DYM: variants seen among roughly 807,000 people sequenced by gnomAD.
The protein encoded by DYM is dyggve-Melchior-Clausen syndrome protein.
In DYM, 78 loss-of-function variants were observed where a neutral mutation model predicts 93.1. The observed-to-expected ratio is 0.84, with a 90% CI of 0.70 to 1.01. DYM has a LOEUF of 1.01. Among genes scored for constraint, DYM ranks in the 50% least tolerant of loss-of-function variants. The pLI, the probability that DYM is intolerant of heterozygous loss-of-function variation, is 0.00. For synonymous variants in DYM, 321 were observed against 319.7 expected, an observed-to-expected ratio of 1.00 and a Z score of -0.04; for missense variants, 789 against 845.0, an observed-to-expected ratio of 0.93 and a Z score of 0.82.
At chr18:49,232,470 A>AT (rs2093726844) in intron 13 of DYM, among the ~76,000 whole-genome samples, 1 of 150,284 alleles carries the variant, frequency 6.7e-6, no homozygotes, top group African/African-American at 2.5e-5. Flanking sequence ...CACCTGGCTA[A>AT]TTTTTTGTAT....
In DYM at chr18:49,257,059, A is replaced by C; in HGVS notation, c.1411T>G (p.Ser471Ala). The C allele has an allele frequency of 6.2e-7, 1 of 1,614,070 alleles. No homozygotes were observed. The highest frequency in any genetic ancestry group is 1.3e-5 in the African/African-American group (1 of 75,056). Residue 471 changes from serine to alanine, a missense_variant, in exon 13 of 18, where the codon TCG (serine) becomes GCG (alanine). This residue lies in a region of DYM where 225 missense variants were observed against 303.0 expected (regional missense o/e 0.74). Transcript: ENST00000675505. Reference protein sequence around the residue: ...TNCLAALANMSAQFRSLHQYA... With the variant: ...TNCLAALANMAAQFRSLHQYA... ...TGATGGAGAGAACGAAACTGTGCCG[A>C]CATATTTGCTAAAGCTGCCAAACAA...
At chr18:49,373,398 CT>C (rs2067220727) in intron 5 of DYM, among the ~76,000 whole-genome samples, 1 of 152,118 alleles carries the variant, frequency 6.6e-6, no homozygotes, top group African/African-American at 2.4e-5. Context: ...TATGCCTCCC[CT>C]TTTTAGACCA....
intron 13 of DYM, among the ~76,000 whole-genome samples, chr18:49,232,965 G>C (rs2093751493): frequency 6.6e-6 from 1 of 152,054 alleles, no homozygotes; most frequent in Admixed American, 6.5e-5. Context: ...CAGTAGATAA[G>C]GTATTTAGAT....
chr18:49,350,497 G>C (rs1382573232), intron 6 of DYM, among the ~76,000 whole-genome samples: 1 of 152,120 alleles, frequency 6.6e-6, no homozygotes, highest in East Asian at 1.9e-4. Context: ...CACGAGGTCA[G>C]GAGTTTGAGA....
At chr18:49,191,090 G>C (rs1568570482) in intron 14 of DYM, among the ~76,000 whole-genome samples, 1 of 141,198 alleles carries the variant, frequency 7.1e-6, no homozygotes, top group African/African-American at 2.6e-5. Flanking sequence ...GTGCAGGGGG[G>C]TTTGGGGGTT....
chr18:49,259,763 G>A (rs1279335870), intron 11 of DYM, among the ~76,000 whole-genome samples: 3 of 152,110 alleles, frequency 2.0e-5, no homozygotes, highest in Non-Finnish European at 1.5e-5. Context: ...AAATCAAAAC[G>A]TAAAAGGTGC....
At chr18:49,389,846 T>C (rs962920913) in intron 3 of DYM, among the ~76,000 whole-genome samples, 4 of 149,970 alleles carry the variant, frequency 2.7e-5, no homozygotes, top group Admixed American at 2.7e-4. Flanking sequence ...GTTTTCTTAA[T>C]GTAATTTTTT....
rs74962760 is a variant in DYM, at chr18:49,237,188, G to A, written c.1460+19822C>T. ...ACACGGCTGGCAAGAAATGGAGGTG[G>A]GTCTCCCATTCCAGTGTTCACACTG... On this transcript the variant is annotated intron_variant, in intron 13 of 17. Transcript: ENST00000675505. 5.4e-3 allele frequency among the ~76,000 whole-genome samples: 821 copies of A among 152,130 alleles called. 7 individuals carry two copies. Among genetic ancestry groups the A allele is most frequent in the African/African-American group, 0.019 (778 of 41,508 alleles).
chr18:49,182,241 T>C (rs1335121705), intron 14 of DYM, among the ~76,000 whole-genome samples: 3 of 152,198 alleles, frequency 2.0e-5, no homozygotes, highest in Non-Finnish European at 4.4e-5. Context: ...TGTTGGCAAA[T>C]GTTCCTATGC....
At chr18:49,244,403 G>A (rs961775391) in intron 13 of DYM, among the ~76,000 whole-genome samples, 2 of 152,146 alleles carry the variant, frequency 1.3e-5, no homozygotes, top group African/African-American at 4.8e-5. Flanking sequence ...GGGATCACAT[G>A]TTTAGAAAGA....
intron 16 of DYM, among the ~76,000 whole-genome samples, chr18:49,100,758 G>A (rs2080052709): frequency 6.6e-6 from 1 of 152,162 alleles, no homozygotes; most frequent in Non-Finnish European, 1.5e-5. Context: ...ATCCCATGAG[G>A]CTGATAAAAA....
At chr18:49,056,244 T>TA (rs1330698676) in intron 17 of DYM, among the ~76,000 whole-genome samples, 2 of 152,172 alleles carry the variant, frequency 1.3e-5, no homozygotes, top group Non-Finnish European at 2.9e-5. Context: ...ACAGAGCCCC[T>TA]AAAAGCCACT....
intron 8 of DYM, among the ~76,000 whole-genome samples, chr18:49,292,312 A>ACAGG (rs60150235): frequency 6.6e-4 from 73 of 110,978 alleles, no homozygotes; most frequent in South Asian, 2.2e-3. Flanking sequence ...AGACAGACAG[A>ACAGG]CAGGCAGGCA....
rs138662948 is a variant in DYM, at chr18:49,396,691, G to C, written c.141-5046C>G. 1.3e-3 allele frequency among the ~76,000 whole-genome samples: 198 copies of C among 152,182 alleles called. 1 individual carries two copies. The highest frequency in any genetic ancestry group is 6.8e-3 in the Middle Eastern group (2 of 294). ...GAATCAACCTAAGTATCCATCAATG[G>C]ATGAATTTTTTTAATGAGGTACATA... On this transcript the variant is annotated intron_variant, in intron 2 of 17. Transcript: ENST00000675505.
At chr18:49,360,334 A>AT (rs1433814636) in intron 6 of DYM, among the ~76,000 whole-genome samples, 35 of 150,716 alleles carry the variant, frequency 2.3e-4, no homozygotes, top group East Asian at 1.8e-3. Context: ...AAAAAAAAAA[A>AT]ATATTTAGGG....
At position 49,060,288 on chromosome 18, in the gene DYM, C is replaced by T. The variant is rs1599429328; in HGVS notation, c.2026-16084G>A. Among the ~76,000 whole-genome samples, 5 of 152,214 alleles carry T rather than the reference C, an allele frequency of 3.3e-5. 1 individual carries two copies. The highest frequency in any genetic ancestry group is 3.3e-4 in the Admixed American group (5 of 15,296). On this transcript the variant is annotated intron_variant, in intron 17 of 17. Transcript: ENST00000675505. ...GGTGAGCTCCCTGGGGTCCCCTGCA[C>T]ACTTCAGGCAAATGCCCGCCTCCAT...
intron 11 of DYM, among the ~76,000 whole-genome samples, chr18:49,266,144 T>C (rs1438930698): frequency 1.3e-5 from 2 of 151,890 alleles, no homozygotes; most frequent in Non-Finnish European, 2.9e-5. Context: ...TAACAAAAAA[T>C]TGGAAGAAAG....
intron 14 of DYM, among the ~76,000 whole-genome samples, chr18:49,174,326 G>A (rs948789): frequency 0.63 from 94,893 of 151,826 alleles, 30,758 homozygotes; most frequent in Non-Finnish European, 0.73. Flanking sequence ...TAAATATACA[G>A]CTCCTTAATG....
At chr18:49,062,488 G>A (rs2076062786) in intron 17 of DYM, among the ~76,000 whole-genome samples, 1 of 152,152 alleles carries the variant, frequency 6.6e-6, no homozygotes, top group Non-Finnish European at 1.5e-5. Context: ...TAAATGTGAA[G>A]CCAGCAAGCT....
Sources: allele counts gnomAD v4.1 joint callset (sites outside exome capture counted in the v4.1 genomes callset), GRCh38; gene constraint gnomAD v4.1.1; regional missense constraint gnomAD v4.1.1; transcripts MANE v1.5; gene names NCBI Gene and HGNC (gene_info 2026-07-23, HGNC 2026-07-21).